The following TMEM178B variants were observed in gnomAD, a reference collection of about 807,000 sequenced individuals.
TMEM178B encodes the protein transmembrane protein 178B.
TMEM178B carries 5 observed loss-of-function variants against 31.0 expected under a neutral mutation model. The ratio of observed to expected loss-of-function variants is 0.16; its 90% CI spans 0.08 to 0.34. The LOEUF (loss-of-function observed/expected upper bound fraction) is 0.34. TMEM178B is among the 10% of genes least tolerant of loss of function. The probability of loss-of-function intolerance (pLI) is 1.00; values close to 1 mark genes in which losing one functional copy is unlikely to be tolerated. For synonymous variants in TMEM178B, 164 were observed against 164.0 expected (o/e 1.00, Z 0.00); for missense variants, 275 against 400.3 (o/e 0.69, Z 2.67).
the TMEM178B span, among the ~76,000 whole-genome samples, chr7:141,510,425 C>G: frequency 6.6e-6 from 1 of 152,002 alleles, no homozygotes; most frequent in African/African-American, 2.4e-5. Context: ...GTGGCTCATG[C>G]CTGTAATCCC....
chr7:141,250,126 T>C (rs1797806405), intron 2 of TMEM178B, among the ~76,000 whole-genome samples: 1 of 152,208 alleles, frequency 6.6e-6, no homozygotes, highest in Non-Finnish European at 1.5e-5. Flanking sequence ...TTAGATTGAA[T>C]GTATTCACTA....
intron 1 of TMEM178B, among the ~76,000 whole-genome samples, chr7:141,197,912 C>T (rs994943268): frequency 1.3e-5 from 2 of 152,168 alleles, no homozygotes; most frequent in African/African-American, 2.4e-5. Flanking sequence ...GGATTACAGG[C>T]ATGAGCCACC....
chr7:141,377,157 C>CTATA (rs1292538146), intron 2 of TMEM178B, among the ~76,000 whole-genome samples: 4 of 138,278 alleles, frequency 2.9e-5, no homozygotes, highest in African/African-American at 1.1e-4. Flanking sequence ...GGGGCTACTT[C>CTATA]TGTATTTATT....
the TMEM178B span, among the ~76,000 whole-genome samples, chr7:141,509,618 C>T: frequency 1.3e-5 from 2 of 152,238 alleles, no homozygotes; most frequent in East Asian, 3.9e-4. Context: ...CCACTGCACT[C>T]CAGCCTGAGC....
chr7:141,154,627 C>T lies in TMEM178B; in HGVS notation c.383-57964C>T, dbSNP rs769530074. ...CCTTTCTCCATGGAAAGGCGATGGG[C>T]CTGGATCCACGGTGGCCCTTGGATA... On this transcript the variant is annotated intron_variant, in intron 1 of 3. Transcript: ENST00000565468. 2.6e-4 allele frequency among the ~76,000 whole-genome samples: 39 copies of T among 152,228 alleles called. 1 individual carries two copies. The highest frequency in any genetic ancestry group is 1.4e-3 in the Admixed American group (22 of 15,284).
chr7:141,460,332 G>A (rs185400712), intron 3 of TMEM178B, among the ~76,000 whole-genome samples: 1 of 152,306 alleles, frequency 6.6e-6, no homozygotes, highest in African/African-American at 2.4e-5. Flanking sequence ...CGCACCTGGT[G>A]TCTCTTTGTA....
Position 141,154,287 on chromosome 7 carries a change from A to G in TMEM178B, c.383-58304A>G, listed in dbSNP as rs111703934. Among the ~76,000 whole-genome samples the G allele has an allele frequency of 4.7e-3, 719 of 152,374 alleles. 3 individuals carry two copies. Among genetic ancestry groups the G allele is most frequent in the South Asian group, 0.027 (130 of 4,828 alleles). ...GAAACATGTATTACCAAGAGATCAGACAGTAAAATTGCAAAGCCCTTGCCT... is the reference window on the plus strand; with the variant it reads ...GAAACATGTATTACCAAGAGATCAGGCAGTAAAATTGCAAAGCCCTTGCCT... On this transcript the variant is annotated intron_variant, in intron 1 of 3. Coordinates refer to ENST00000565468, the MANE Select transcript of TMEM178B (RefSeq NM_001195278.2).
intron 1 of TMEM178B, among the ~76,000 whole-genome samples, chr7:141,141,518 T>C (rs893680596): frequency 1.1e-4 from 17 of 152,344 alleles, no homozygotes; most frequent in African/African-American, 4.1e-4. Flanking sequence ...GCTTAAATTA[T>C]ACAGTATGTT....
intron 1 of TMEM178B, among the ~76,000 whole-genome samples, chr7:141,114,619 T>C (rs1333780807): frequency 6.6e-6 from 1 of 152,254 alleles, no homozygotes; most frequent in East Asian, 1.9e-4. Context: ...CTATTCTATT[T>C]GTCTCTTTCC....
intron 1 of TMEM178B, among the ~76,000 whole-genome samples, chr7:141,159,663 C>T (rs1796136221): frequency 6.6e-6 from 1 of 152,060 alleles, no homozygotes. Flanking sequence ...ACGGATGAAC[C>T]TGGAGGACAT....
chr7:141,506,141 A>G, the TMEM178B span, among the ~76,000 whole-genome samples: 1 of 152,202 alleles, frequency 6.6e-6, no homozygotes, highest in African/African-American at 2.4e-5. Flanking sequence ...CTGTGTCTCT[A>G]TCTCTGCCTC....
At chr7:141,322,250 G>T (rs1163337046) in intron 2 of TMEM178B, among the ~76,000 whole-genome samples, 1 of 152,042 alleles carries the variant, frequency 6.6e-6, no homozygotes, top group Non-Finnish European at 1.5e-5. Context: ...GAGTAGGCAG[G>T]GCCTGGTGGC....
At chr7:141,208,960 G>C (rs1039829508) in intron 1 of TMEM178B, among the ~76,000 whole-genome samples, 1 of 152,164 alleles carries the variant, frequency 6.6e-6, no homozygotes, top group Non-Finnish European at 1.5e-5. Context: ...TTGTAGGTAG[G>C]GCTGCTGCTA....
intron 1 of TMEM178B, among the ~76,000 whole-genome samples, chr7:141,186,212 A>T (rs949700718): frequency 2.6e-5 from 4 of 152,212 alleles, no homozygotes; most frequent in African/African-American, 9.6e-5. Context: ...CTAATCCTAG[A>T]AGGTCCAGTG....
Position 141,480,039 on chromosome 7 carries a change from G to A in TMEM178B, c.*9253G>A, listed in dbSNP as rs1802445240. 1 of 152,094 alleles carries A rather than the reference G, an allele frequency of 6.6e-6. No individual in the cohort carries two copies. The highest frequency in any genetic ancestry group is 1.5e-5 in the Non-Finnish European group (1 of 68,028). 9.4% of individuals were successfully genotyped at this position (152,094 alleles called of 1,614,324 possible). On this transcript the variant is annotated 3_prime_UTR_variant, in exon 4 of 4. Transcript: ENST00000565468. ...TCCTTCTCATAATTAATTAATTACAGGAAAGGCGATTCAAACCAGATCTTG... is the reference window on the plus strand; with the variant it reads ...TCCTTCTCATAATTAATTAATTACAAGAAAGGCGATTCAAACCAGATCTTG...
chr7:141,371,431 C>T (rs1800114566), intron 2 of TMEM178B, among the ~76,000 whole-genome samples: 1 of 152,170 alleles, frequency 6.6e-6, no homozygotes, highest in South Asian at 2.1e-4. Context: ...ACACCAGTGC[C>T]GTGCTTCTTA....
At chr7:141,507,983 G>A in the TMEM178B span, among the ~76,000 whole-genome samples, 2 of 152,216 alleles carry the variant, frequency 1.3e-5, no homozygotes, top group Non-Finnish European at 2.9e-5. Flanking sequence ...GATGCTCCTT[G>A]CTACTTATGC....
the TMEM178B span, among the ~76,000 whole-genome samples, chr7:141,510,912 A>G: frequency 1.3e-5 from 2 of 152,028 alleles, no homozygotes; most frequent in Non-Finnish European, 2.9e-5. Context: ...GTACATGGAA[A>G]GGGCATTCAA....
At chr7:141,301,305 G>T (rs1420911491) in intron 2 of TMEM178B, among the ~76,000 whole-genome samples, 1 of 152,118 alleles carries the variant, frequency 6.6e-6, no homozygotes, top group South Asian at 2.1e-4. Context: ...TCTCTTCTTT[G>T]TTATACTTTA....
Sources: gnomAD v4.1 joint callset for allele counts (sites outside exome capture counted in the v4.1 genomes callset) on GRCh38, gnomAD v4.1.1 for gene constraint, MANE v1.5 for transcripts, NCBI Gene and HGNC (gene_info 2026-07-23, HGNC 2026-07-21) for gene names.